Variants in CCDC18 observed in about 807,000 individuals in gnomAD.
The protein encoded by CCDC18 is coiled-coil domain containing 18, also known as coiled-coil domain-containing protein 18.
CCDC18 carries 157 observed loss-of-function variants against 196.0 expected under a neutral mutation model. The observed-to-expected ratio is 0.80, with a 90% CI of 0.70 to 0.91. CCDC18 has a LOEUF of 0.91. Among genes scored for constraint, CCDC18 ranks in the 40% least tolerant of loss-of-function variants. The probability of loss-of-function intolerance (pLI) is 0.00; values close to 1 mark genes in which losing one functional copy is unlikely to be tolerated. For synonymous variants in CCDC18, 482 were observed against 529.2 expected (o/e 0.91, Z 1.22); for missense variants, 1,465 against 1,611.6 (o/e 0.91, Z 1.56).
At chr1:93,202,102 CT>C (rs1156965946) in intron 7 of CCDC18, 114 bp downstream of exon 7, 8 of 530,582 alleles carry the variant, frequency 1.5e-5, no homozygotes, top group Non-Finnish European at 2.6e-5. Context: ...TTTTTATGAT[CT>C]TACAAAATCA....
chr1:93,210,687 G>T, intron 9 of CCDC18, 115 bp from the exon 10 acceptor site: 3 of 646,410 alleles, frequency 4.6e-6, no homozygotes, highest in Non-Finnish European at 7.9e-6. Context: ...CCTATTGATG[G>T]ACATTAAGTT....
intron 6 of CCDC18, among the ~76,000 whole-genome samples, chr1:93,198,047 G>T (rs35940311): frequency 6.6e-6 from 1 of 151,636 alleles, no homozygotes; most frequent in African/African-American, 2.4e-5. Context: ...CACCGCGCCC[G>T]GCCCACTCTC....
Position 93,270,376 on chromosome 1 carries a change from A to G in CCDC18, c.3915A>G (p.Lys1305=). Reference sequence around the variant, plus strand: ...CAGAATTAACCAGATTACAGGCCAAAATTTCTGGACATGAAAAGGCAGAAG... The same window carrying G: ...CAGAATTAACCAGATTACAGGCCAAGATTTCTGGACATGAAAAGGCAGAAG... ...KESELTRLQA[K]ISGHEKAEDI... is the part of the protein sequence containing the mutation. The change falls in exon 28 of 29, where the codon AAA becomes AAG. Residue 1305 remains lysine (K), a synonymous_variant. Transcript: ENST00000690025. The G allele has an allele frequency of 6.5e-7, 1 of 1,549,150 alleles. No homozygotes were observed. Among genetic ancestry groups the G allele is most frequent in the Non-Finnish European group, 8.7e-7 (1 of 1,145,976 alleles).
intron 28 of CCDC18, chr1:93,271,260 A>G: frequency 6.1e-6 from 6 of 985,362 alleles, no homozygotes; most frequent in Non-Finnish European, 7.2e-6. Context: ...TGGAAAGTTG[A>G]TTTACTGAAT....
intron 4 of CCDC18, 151 bp from the exon 5 acceptor site, chr1:93,191,849 A>G (rs1651863184): frequency 1.7e-6 from 1 of 572,286 alleles, no homozygotes. Flanking sequence ...GCCCATGTAA[A>G]TGTTGATCAA....
chr1:93,196,334 A>G (rs1002584359), intron 6 of CCDC18, among the ~76,000 whole-genome samples: 2 of 146,948 alleles, frequency 1.4e-5, no homozygotes, highest in African/African-American at 4.9e-5. Flanking sequence ...AAAAAAGAGA[A>G]AAAAAGAATG....
At position 93,246,047 on chromosome 1, in the gene CCDC18, T is replaced by G. The variant is rs576630395; in HGVS notation, c.2982-58T>G. On this transcript the variant is annotated intron_variant, in intron 21 of 28. Transcript: ENST00000690025. ...AAGAGGTAACCTGGTTGACCTAACT[T>G]TTTAAAATTATACTCTTCTACTATC... 450 of 1,236,390 alleles carry G rather than the reference T, an allele frequency of 3.6e-4. No individual in the cohort carries two copies. The African/African-American group carries it at 6.6e-3, about 18-fold the overall frequency. The allele number at this position is 1,236,390 out of a possible 1,614,324, so 76.6% of individuals were successfully genotyped here.
At chr1:93,261,158 G>A (rs1358405804) in intron 26 of CCDC18, among the ~76,000 whole-genome samples, 1 of 151,992 alleles carries the variant, frequency 6.6e-6, no homozygotes. Flanking sequence ...TGGGTCAAAT[G>A]GTATTTCCAG....
intron 28 of CCDC18, among the ~76,000 whole-genome samples, chr1:93,275,596 C>T (rs1177143835): frequency 6.6e-6 from 1 of 152,128 alleles, no homozygotes; most frequent in African/African-American, 2.4e-5. Flanking sequence ...CAAATAGATT[C>T]AAAGGTAGTT....
chr1:93,265,069 G>A (rs1664317615), intron 27 of CCDC18, 168 bp downstream of exon 27: 1 of 560,742 alleles, frequency 1.8e-6, no homozygotes, highest in Middle Eastern at 4.9e-4. Flanking sequence ...TTAAGATGAT[G>A]TACATCTTAT....
chr1:93,195,267 C>T (rs1263436204), intron 6 of CCDC18, among the ~76,000 whole-genome samples: 1 of 152,110 alleles, frequency 6.6e-6, no homozygotes, highest in African/African-American at 2.4e-5. Flanking sequence ...GGTATTATTG[C>T]TGAAGAACTC....
intron 16 of CCDC18, among the ~76,000 whole-genome samples, chr1:93,223,579 A>T (rs1177423679): frequency 6.6e-6 from 1 of 152,174 alleles, no homozygotes; most frequent in African/African-American, 2.4e-5. Flanking sequence ...CACTAAGCTA[A>T]AAGGTTGATG....
upstream of CCDC18, chr1:93,180,552 C>T: frequency 1.4e-6 from 2 of 1,476,778 alleles, no homozygotes; most frequent in African/African-American, 1.4e-5. Context: ...CACCAATGGG[C>T]ATCATGGCGG....
chr1:93,244,321 G>A (rs1661211472), intron 21 of CCDC18, among the ~76,000 whole-genome samples: 1 of 152,122 alleles, frequency 6.6e-6, no homozygotes, highest in Non-Finnish European at 1.5e-5. Flanking sequence ...TAGAATTCAA[G>A]ATCAGATTTG....
intron 23 of CCDC18, among the ~76,000 whole-genome samples, chr1:93,248,675 T>C (rs1041163908): frequency 6.6e-5 from 10 of 152,080 alleles, no homozygotes; most frequent in African/African-American, 2.4e-4. Context: ...GCTGGCCTTG[T>C]AGAATGAGTT....
Position 93,270,756 on chromosome 1 carries a change from A to G in CCDC18, c.4295A>G (p.Asn1432Ser). The G allele has an allele frequency of 6.5e-7, 1 of 1,548,606 alleles. No individual in the cohort carries two copies. Among genetic ancestry groups the G allele is most frequent in the Non-Finnish European group, 8.7e-7 (1 of 1,146,380 alleles). ...CTTAGTGGGATGCTAAGATACATAA[A>G]CAAAGAAGTAAGACTATTAAAAAAG... ...NTLSGMLRYI[N>S]KEVRLLKKSS... The change falls in exon 28 of 29, where the codon AAC (asparagine) becomes AGC (serine). Residue 1432 changes from asparagine to serine, a missense_variant. Physicochemically the swap from Asn to Ser is conservative, Grantham distance 46. Transcript: ENST00000690025.
intron 21 of CCDC18, among the ~76,000 whole-genome samples, chr1:93,245,515 C>G (rs534088997): frequency 2.3e-4 from 35 of 152,128 alleles, no homozygotes; most frequent in Non-Finnish European, 4.4e-4. Context: ...ATTCTCTGAT[C>G]ACAGGCTTCA....
chr1:93,203,667 A>G (rs1305657640), intron 7 of CCDC18, among the ~76,000 whole-genome samples: 2 of 152,158 alleles, frequency 1.3e-5, no homozygotes, highest in African/African-American at 4.8e-5. Context: ...CAAATTGGTC[A>G]AGAAGAATGA....
chr1:93,246,107 A>C lies in CCDC18; in HGVS notation c.2984A>C (p.Glu995Ala), dbSNP rs200518408. Residue 995 changes from glutamate (E) to alanine (A), a missense_variant and splice_region_variant, in exon 22 of 29, where the codon GAA becomes GCA. Physicochemically the swap from Glu to Ala is moderately radical, Grantham distance 107. Transcript: ENST00000690025. ...CTTTTTCCTTTGATAAATTGTAGAG[A>C]ATGCAAGATGGAGATTGAAGACAAA... ...TIKDLTAELRECKMEIEDKKQ... is the reference protein window; with the variant it reads ...TIKDLTAELRACKMEIEDKKQ... The C allele has an allele frequency of 1.3e-6, 2 of 1,589,764 alleles. No individual in the cohort carries two copies. Among genetic ancestry groups the C allele is most frequent in the East Asian group, 4.5e-5 (2 of 44,000 alleles).
Sources: allele counts gnomAD v4.1 joint callset (sites outside exome capture counted in the v4.1 genomes callset), GRCh38; gene constraint gnomAD v4.1.1; transcripts MANE v1.5; gene names NCBI Gene and HGNC (gene_info 2026-07-23, HGNC 2026-07-21).